MYO3B: variants seen among roughly 807,000 people sequenced by gnomAD.
MYO3B encodes the protein myosin IIIB.
Under a neutral mutation model 174.6 loss-of-function variants are expected in MYO3B, and 156 were observed. The ratio of observed to expected loss-of-function variants is 0.89; its 90% CI spans 0.78 to 1.02. MYO3B has a LOEUF of 1.02. Among genes scored for constraint, MYO3B ranks in the 50% least tolerant of loss-of-function variants. MYO3B has a pLI of 0.00. For synonymous variants in MYO3B, 563 were observed against 569.1 expected, an observed-to-expected ratio of 0.99 and a Z score of 0.15; for missense variants, 1,632 against 1,639.4, an observed-to-expected ratio of 1.00 and a Z score of 0.08.
intron 7 of MYO3B, among the ~76,000 whole-genome samples, chr2:170,315,429 C>T (rs1189176311): frequency 1.3e-5 from 2 of 151,932 alleles, no homozygotes; most frequent in African/African-American, 4.8e-5. Context: ...CCTCAGCCTC[C>T]TGAGTAGCTG....
chr2:170,380,680 A>G (rs115470302), intron 9 of MYO3B, among the ~76,000 whole-genome samples: 270 of 152,354 alleles, frequency 1.8e-3, no homozygotes, highest in Non-Finnish European at 3.2e-3. Flanking sequence ...TGATTATCAA[A>G]CAAGATTTTT....
At chr2:170,400,042 A>G (rs964924552) in intron 16 of MYO3B, 146 bp from the exon 17 acceptor site, 111 of 1,017,076 alleles carry the variant, frequency 1.1e-4, no homozygotes, top group Non-Finnish European at 7.2e-5. Flanking sequence ...TCTAACTGCA[A>G]AGAAGTTTGG....
At chr2:170,646,211 C>G (rs563782797) in intron 32 of MYO3B, among the ~76,000 whole-genome samples, 1 of 149,558 alleles carries the variant, frequency 6.7e-6, no homozygotes, top group Admixed American at 6.7e-5. Flanking sequence ...GCGGAGGTTG[C>G]GGTGAGCCGA....
chr2:170,324,628 C>T (rs1241227240), intron 7 of MYO3B, among the ~76,000 whole-genome samples: 1 of 152,192 alleles, frequency 6.6e-6, no homozygotes, highest in Non-Finnish European at 1.5e-5. Context: ...TCTCTGTTTT[C>T]TAATTCACTT....
chr2:170,506,626 T>G (rs1687637417), intron 28 of MYO3B, among the ~76,000 whole-genome samples: 2 of 152,242 alleles, frequency 1.3e-5, no homozygotes, highest in South Asian at 4.1e-4. Context: ...AGGGATGCTG[T>G]TTGAATAAAT....
At chr2:170,350,442 T>C (rs1008754707) in intron 8 of MYO3B, 1 of 152,248 alleles carries the variant, frequency 6.6e-6, no homozygotes, top group African/African-American at 2.4e-5. Flanking sequence ...TTTTCATCTC[T>C]GCCTTCCCTT....
At chr2:170,400,837 C>CT (rs918536055) in intron 17 of MYO3B, among the ~76,000 whole-genome samples, 16 of 148,280 alleles carry the variant, frequency 1.1e-4, no homozygotes, top group South Asian at 2.1e-4. Context: ...GTGTTTTTTT[C>CT]TTTTTTTTTT....
At chr2:170,396,553 T>C (rs1326252861) in intron 16 of MYO3B, among the ~76,000 whole-genome samples, 10 of 152,138 alleles carry the variant, frequency 6.6e-5, no homozygotes, top group Non-Finnish European at 1.5e-5. Context: ...TCTCACTAAA[T>C]CAAGGAAGGA....
chr2:170,236,290 G>A (rs1370382014), intron 7 of MYO3B, among the ~76,000 whole-genome samples, 154 bp downstream of exon 7: 2 of 151,788 alleles, frequency 1.3e-5, no homozygotes, highest in African/African-American at 2.4e-5. Flanking sequence ...GGGCTGGGGG[G>A]GACAGAGAAG....
intron 6 of MYO3B, among the ~76,000 whole-genome samples, chr2:170,223,607 T>C (rs541230029): frequency 2.0e-5 from 3 of 152,338 alleles, no homozygotes; most frequent in Non-Finnish European, 4.4e-5. Context: ...TTAATATTGC[T>C]CAACCAATTT....
At chr2:170,599,003 A>G (rs1352556026) in intron 32 of MYO3B, among the ~76,000 whole-genome samples, 1 of 152,238 alleles carries the variant, frequency 6.6e-6, no homozygotes, top group Non-Finnish European at 1.5e-5. Context: ...TGCACATTTA[A>G]TGAAGTGCCT....
Position 170,466,560 on chromosome 2 carries a change from C to T in MYO3B, c.2863C>T (p.Arg955Cys), listed in dbSNP as rs572179158. ...GGTGGTTGGACAGCCCCACTTTGTG[C>T]GCTGCATTAAACCCAATGATGACCG... Reference protein sequence around the residue: ...KMVVGQPHFVRCIKPNDDREA... With the variant: ...KMVVGQPHFVCCIKPNDDREA... Residue 955 changes from arginine (R) to cysteine (C), a missense_variant, in exon 25 of 35, where the codon CGC (arginine) becomes TGC (cysteine). Physicochemically the swap from Arg to Cys is radical, Grantham distance 180 (BLOSUM62 -3). Coordinates refer to ENST00000408978, the MANE Select transcript of MYO3B (RefSeq NM_138995.5). 7.1e-5 allele frequency: 115 copies of T among 1,614,148 alleles called. No homozygotes were observed. In the Middle Eastern group the frequency reaches 8.2e-4, roughly 12 times the overall value.
In MYO3B at chr2:170,472,885, G is replaced by A. The variant is rs368076209; in HGVS notation, c.3014+6174G>A. ...CTGGCTTATTTTTGTATTTTTAGTA[G>A]CGATGAGGTCTCACCATGTTGCCCA... On this transcript the variant is annotated intron_variant, in intron 25 of 34. Coordinates refer to ENST00000408978, the MANE Select transcript of MYO3B (RefSeq NM_138995.5). Among the ~76,000 whole-genome samples the A allele has an allele frequency of 1.3e-3, 198 of 151,154 alleles. 5 individuals are homozygous for A. In the South Asian group the frequency reaches 0.04, roughly 31 times the overall value.
chr2:170,577,676 A>C (rs1388632639), intron 32 of MYO3B, among the ~76,000 whole-genome samples: 1 of 152,142 alleles, frequency 6.6e-6, no homozygotes, highest in Non-Finnish European at 1.5e-5. Context: ...GGGTAGTGTT[A>C]ATATTACTGG....
intron 8 of MYO3B, among the ~76,000 whole-genome samples, chr2:170,346,929 TG>T (rs1348335770): frequency 7.2e-5 from 11 of 152,228 alleles, no homozygotes; most frequent in African/African-American, 2.4e-4. Flanking sequence ...GGGTCTGAAC[TG>T]GATCAATTGT....
At chr2:170,431,447 G>A (rs913773921) in intron 22 of MYO3B, among the ~76,000 whole-genome samples, 2 of 152,182 alleles carry the variant, frequency 1.3e-5, no homozygotes, top group Admixed American at 6.5e-5. Context: ...TAAAGCTTAA[G>A]GAGAAAGGAA....
At chr2:170,251,318 A>G (rs1574656982) in intron 7 of MYO3B, among the ~76,000 whole-genome samples, 1 of 152,170 alleles carries the variant, frequency 6.6e-6, no homozygotes, top group African/African-American at 2.4e-5. Flanking sequence ...ATAAAAACAA[A>G]TAAGTGGCAG....
intron 32 of MYO3B, among the ~76,000 whole-genome samples, chr2:170,608,689 C>G (rs984431588): frequency 2.0e-5 from 3 of 151,910 alleles, no homozygotes; most frequent in African/African-American, 7.3e-5. Context: ...GAGAGACAGA[C>G]AGACAGACAG....
chr2:170,587,296 G>T (rs1452991776), intron 32 of MYO3B, among the ~76,000 whole-genome samples: 1 of 152,140 alleles, frequency 6.6e-6, no homozygotes, highest in African/African-American at 2.4e-5. Flanking sequence ...TACATCTTGT[G>T]TTTACCACAT....
Sources: allele counts gnomAD v4.1 joint callset (sites outside exome capture counted in the v4.1 genomes callset), GRCh38; gene constraint gnomAD v4.1.1; transcripts MANE v1.5; gene names NCBI Gene and HGNC (gene_info 2026-07-23, HGNC 2026-07-21).